The following EP400 variants were observed in gnomAD, a reference collection of about 807,000 sequenced individuals.
The protein encoded by EP400 is E1A binding protein p400, also known as E1A-binding protein p400.
EP400 carries 105 observed loss-of-function variants against 354.1 expected under a neutral mutation model. The ratio of observed to expected loss-of-function variants is 0.30; its 90% CI spans 0.25 to 0.35. The LOEUF (loss-of-function observed/expected upper bound fraction) is 0.35, where lower values mean the gene tolerates loss of function less well. EP400 is among the 10% of genes least tolerant of loss of function. The probability of loss-of-function intolerance (pLI) is 1.00; values close to 1 mark genes in which losing one functional copy is unlikely to be tolerated. For missense variants in EP400, 3,280 were observed against 4,121.0 expected (o/e 0.80, Z 5.59); for synonymous variants, 1,646 against 1,716.9 (o/e 0.96, Z 1.02).
intron 39 of EP400, among the ~76,000 whole-genome samples, chr12:132,049,280 A>T (rs935288017): frequency 1.3e-5 from 2 of 152,204 alleles, no homozygotes; most frequent in Admixed American, 6.5e-5. Flanking sequence ...ATCCAGTGTC[A>T]TGTGTGATAG....
rs1362707591 is a variant in EP400, at chr12:132,052,127, A to G, written c.7395-1019A>G. Among the ~76,000 whole-genome samples the G allele has an allele frequency of 6.6e-6, 1 of 152,256 alleles. No individual in the cohort carries two copies. Among genetic ancestry groups the G allele is most frequent in the Admixed American group, 6.5e-5 (1 of 15,290 alleles). On this transcript the variant is annotated intron_variant, in intron 41 of 52. Transcript: ENST00000389561. The surrounding 1 kb of genome is among the most constrained non-coding windows in gnomAD (Gnocchi z 4.4). ...AATTGCTACCAACTAATGATTAATG[A>G]TATTCATAGATAATCATATCTAAGA... is the stretch of plus-strand genomic sequence containing the variant.
At chr12:131,975,400 C>T (rs137925564) in intron 2 of EP400, among the ~76,000 whole-genome samples, 22 of 152,230 alleles carry the variant, frequency 1.4e-4, no homozygotes, top group South Asian at 6.2e-4. Flanking sequence ...ATTCTTGGTG[C>T]GCAGCTCAGT....
intron 23 of EP400, among the ~76,000 whole-genome samples, chr12:132,023,525 A>G (rs940087362): frequency 1.3e-5 from 2 of 152,120 alleles, no homozygotes; most frequent in Middle Eastern, 3.4e-3. Flanking sequence ...AATAATATCA[A>G]TATCTGATAT....
rs1895328500 is a variant in EP400, at chr12:132,052,466, A to G, written c.7395-680A>G. 6.6e-6 allele frequency among the ~76,000 whole-genome samples: 1 copy of G among 152,172 alleles called. No individual in the cohort carries two copies. Among genetic ancestry groups the G allele is most frequent in the Non-Finnish European group, 1.5e-5 (1 of 68,034 alleles). ...GCTGGCAGCCGCGCCCCAGCCCTTCACTTAACTGCCCTCGTGAGATGTTTT... is the reference window on the plus strand; with the variant it reads ...GCTGGCAGCCGCGCCCCAGCCCTTCGCTTAACTGCCCTCGTGAGATGTTTT... On this transcript the variant is annotated intron_variant, in intron 41 of 52. Transcript: ENST00000389561. The surrounding 1 kb of genome is among the most constrained non-coding windows in gnomAD (Gnocchi z 4.4).
At position 131,960,718 on chromosome 12, in the gene EP400, C is replaced by G; in HGVS notation, c.99C>G (p.Asn33Lys). 1 of 1,462,360 alleles carries G rather than the reference C, an allele frequency of 6.8e-7. No homozygotes were observed. The highest frequency in any genetic ancestry group is 9.0e-7 in the Non-Finnish European group (1 of 1,107,772). 90.6% of individuals were successfully genotyped at this position (1,462,360 alleles called of 1,614,324 possible). The change falls in exon 2 of 53, where the codon AAC (asparagine) becomes AAG (lysine). Residue 33 changes from asparagine to lysine, a missense_variant. This residue lies in a region of EP400 where 172 missense variants were observed against 242.9 expected (regional missense o/e 0.71). Coordinates refer to ENST00000389561, the MANE Select transcript of EP400 (RefSeq NM_015409.5). Reference protein sequence around the residue: ...SEGEEQPAHPNPPPSPAAPFA... With the variant: ...SEGEEQPAHPKPPPSPAAPFA... ...GTGAGGAGCAGCCGGCCCACCCCAA[C>G]CCACCCCCGTCCCCCGCAGCTCCCT... is the stretch of plus-strand genomic sequence containing the variant.
At chr12:131,954,517 G>A (rs772475883) in intron 1 of EP400, among the ~76,000 whole-genome samples, 10 of 152,138 alleles carry the variant, frequency 6.6e-5, no homozygotes, top group Non-Finnish European at 1.2e-4. Context: ...TTGAGGTTAG[G>A]AGTTGGAGAC....
In EP400 at chr12:132,064,592, G is replaced by C. The variant is rs201269557; in HGVS notation, c.8335-76G>C. The C allele has an allele frequency of 2.8e-5, 44 of 1,547,876 alleles. No homozygotes were observed. The East Asian group carries it at 1.0e-3, about 35-fold the overall frequency. On this transcript the variant is annotated intron_variant, in intron 47 of 52. Coordinates refer to ENST00000389561, the MANE Select transcript of EP400 (RefSeq NM_015409.5). ...GTATTTAATGGGCAGTAGAGGGGTG[G>C]CTTAGGAACAAGATGTCTACTTAAA...
At chr12:131,962,046 CGGTATTTCTAA>C (rs1267649056) in intron 2 of EP400, 92 bp downstream of exon 2, 201 of 1,424,504 alleles carry the variant, frequency 1.4e-4, no homozygotes, top group East Asian at 7.5e-4. Flanking sequence ...ATTGAGCCTG[CGGTATTTCTAA>C]GGTATTTCTA....
chr12:132,063,225 ATGT>A (rs1352933581), intron 47 of EP400, among the ~76,000 whole-genome samples: 1 of 152,230 alleles, frequency 6.6e-6, no homozygotes, highest in Non-Finnish European at 1.5e-5. Flanking sequence ...TTCAAAGGAA[ATGT>A]TGGGCCGGAC....
Position 132,025,572 on chromosome 12 carries a change from T to G in EP400, c.4856-74T>G, listed in dbSNP as rs949476633. The stretch of plus-strand genomic sequence containing the variant: ...GTTTGTCAACTTATTTTTGTACTGT[T>G]TGGAAGTGCCTGGAGTGTGTGGCTG... On this transcript the variant is annotated intron_variant, in intron 24 of 52. Coordinates refer to ENST00000389561, the MANE Select transcript of EP400 (RefSeq NM_015409.5). This position sits in a 1 kb window ranked among gnomAD's most constrained non-coding sequence, Gnocchi z 4.1. 18 of 1,429,546 alleles carry G rather than the reference T, an allele frequency of 1.3e-5. No homozygotes were observed. In the Admixed American group the frequency reaches 4.2e-4, roughly 34 times the overall value. The allele number at this position is 1,429,546 out of a possible 1,614,324, so 88.6% of individuals were successfully genotyped here. A position where few individuals can be genotyped will look rare whatever the true frequency, so the allele number is the denominator to read the frequency against.
chr12:132,051,076 T>G (rs988509278), intron 41 of EP400: 5 of 265,336 alleles, frequency 1.9e-5, no homozygotes, highest in Non-Finnish European at 2.9e-5. Context: ...AATGAATGAA[T>G]GGATGGGTAC....
rs1211758564 is a variant in EP400 at position 132,011,523 on chromosome 12, T to C, written c.3330T>C (p.Val1110=). 6.2e-7 allele frequency: 1 copy of C among 1,613,110 alleles called. No individual in the cohort carries two copies. The highest frequency in any genetic ancestry group is 1.1e-5 in the South Asian group (1 of 90,646). ...NEGNWGPHLV[V]VRSCNILKWE... ...GTAATTGGGGCCCCCATCTTGTTGT[T>C]GTGAGAAGTTGTAACATACTCAAGT... The change falls in exon 16 of 53, where the codon GTT becomes GTC. Residue 1110 remains valine, a synonymous_variant. Coordinates refer to ENST00000389561, the MANE Select transcript of EP400 (RefSeq NM_015409.5).
In EP400 at chr12:132,049,975, T is replaced by C. The variant is rs552040101; in HGVS notation, c.7201-348T>C. On this transcript the variant is annotated intron_variant, in intron 39 of 52. Coordinates refer to ENST00000389561, the MANE Select transcript of EP400 (RefSeq NM_015409.5). ...CGCGCTGCCCCTTGGTGTTAGCGGGTGAAGGCTCACAGCCCGCTCCACACA... is the reference window on the plus strand; with the variant it reads ...CGCGCTGCCCCTTGGTGTTAGCGGGCGAAGGCTCACAGCCCGCTCCACACA... Among the ~76,000 whole-genome samples, 14 of 152,254 alleles carry C rather than the reference T, an allele frequency of 9.2e-5. No homozygotes were observed. The South Asian group carries it at 2.9e-3, about 32-fold the overall frequency.
intron 45 of EP400, among the ~76,000 whole-genome samples, chr12:132,060,929 AC>A (rs1239932381): frequency 4.3e-4 from 61 of 143,118 alleles, no homozygotes; most frequent in East Asian, 2.5e-3. Context: ...AAAAAAAAAA[AC>A]AAAAAACAAA....
chr12:132,036,189 G>A (rs565864359), intron 30 of EP400, among the ~76,000 whole-genome samples: 17 of 144,894 alleles, frequency 1.2e-4, no homozygotes, highest in African/African-American at 3.9e-4. Context: ...AGGTTCACAC[G>A]GAACGTCATG....
chr12:132,018,324 A>T lies in EP400; in HGVS notation c.4225A>T (p.Thr1409Ser). The T allele has an allele frequency of 6.2e-7, 1 of 1,613,338 alleles. No individual in the cohort carries two copies. The highest frequency in any genetic ancestry group is 2.2e-5 in the East Asian group (1 of 44,878). ...IPRKLMEEIS[T>S]SAAPAARPAA... ...GCGGAAACTCATGGAGGAAATCTCC[A>T]CTTCAGCAGCCCCAGCAGCCCGACC... Residue 1409 changes from threonine (T) to serine (S), a missense_variant, in exon 21 of 53, where the codon ACT becomes TCT. Physicochemically the swap from Thr to Ser is moderately conservative, Grantham distance 58 (BLOSUM62 1). Coordinates refer to ENST00000389561, the MANE Select transcript of EP400 (RefSeq NM_015409.5). The surrounding 1 kb of genome is among the most constrained non-coding windows in gnomAD (Gnocchi z 4.0).
At position 131,990,258 on chromosome 12, in the gene EP400, C is replaced by T. The variant is rs1362663282; in HGVS notation, c.2550+154C>T. Among the ~76,000 whole-genome samples, 1 of 152,172 alleles carries T rather than the reference C, an allele frequency of 6.6e-6. No homozygotes were observed. The highest frequency in any genetic ancestry group is 1.5e-5 in the Non-Finnish European group (1 of 68,044). ...CTCTCCTGGGCTGTTGCTTGTTGGC[C>T]TTTGAATGAGCTGCTCGTGCCTCCG... On this transcript the variant is annotated intron_variant, in intron 8 of 52. Coordinates refer to ENST00000389561, the MANE Select transcript of EP400 (RefSeq NM_015409.5). The surrounding 1 kb of genome is among the most constrained non-coding windows in gnomAD (Gnocchi z 4.2).
chr12:132,076,714 C>T, intron 52 of EP400, 121 bp downstream of exon 52: 5 of 881,904 alleles, frequency 5.7e-6, no homozygotes, highest in Non-Finnish European at 8.6e-6. Context: ...AAAACATTAA[C>T]TTCAGGGGAA....
intron 47 of EP400, among the ~76,000 whole-genome samples, chr12:132,064,440 T>C (rs887393606): frequency 2.0e-5 from 3 of 152,364 alleles, no homozygotes; most frequent in African/African-American, 7.2e-5. Flanking sequence ...TATGAACTTA[T>C]CAGTCAGAAT....
Sources: allele counts gnomAD v4.1 joint callset (sites outside exome capture counted in the v4.1 genomes callset), GRCh38; gene constraint gnomAD v4.1.1; regional missense constraint gnomAD v4.1.1; non-coding constraint Gnocchi (gnomAD v3.1); transcripts MANE v1.5; gene names NCBI Gene and HGNC (gene_info 2026-07-23, HGNC 2026-07-21).